Variants in UBE2N observed in about 807,000 individuals in gnomAD.
The protein encoded by UBE2N is ubiquitin conjugating enzyme E2 N, also known as ubiquitin-conjugating enzyme E2 N.
For synonymous variants in UBE2N, 70 were observed against 69.2 expected, an observed-to-expected ratio of 1.01 and a Z score of -0.06; for missense variants, 60 against 192.1, an observed-to-expected ratio of 0.31 and a Z score of 4.07.
chr12:93,441,899 A>G lies in UBE2N; in HGVS notation c.-15T>C, dbSNP rs1253853795. 3.8e-6 allele frequency: 6 copies of G among 1,574,814 alleles called. No homozygotes were observed. Among genetic ancestry groups the G allele is most frequent in the Non-Finnish European group, 5.2e-6 (6 of 1,163,280 alleles). On this transcript the variant is annotated 5_prime_UTR_variant, in exon 1 of 4. Coordinates refer to ENST00000318066, the MANE Select transcript of UBE2N (RefSeq NM_003348.4). Reference sequence around the variant, plus strand: ...AGCCCGGCCATCTTGTCAGAACCCGAGTTCGGCCTCTGGTCTCGTCTCCGG... The same window carrying G: ...AGCCCGGCCATCTTGTCAGAACCCGGGTTCGGCCTCTGGTCTCGTCTCCGG...
rs377737192 is a variant in UBE2N, at chr12:93,410,715, G to A, written c.418+19C>T. On this transcript the variant is annotated intron_variant, in intron 3 of 3. Transcript: ENST00000318066. Reference sequence around the variant, plus strand: ...TTGTAAAAGTGGAAGTGGTGTGAAGGAGAATGAATATTAGATACCTGTTTC... The same window carrying A: ...TTGTAAAAGTGGAAGTGGTGTGAAGAAGAATGAATATTAGATACCTGTTTC... The A allele has an allele frequency of 3.1e-6, 5 of 1,613,672 alleles. No individual in the cohort carries two copies. The highest frequency in any genetic ancestry group is 4.2e-6 in the Non-Finnish European group (5 of 1,179,624).
At chr12:93,429,324 A>G (rs1878685588) in intron 1 of UBE2N, 1 of 419,808 alleles carries the variant, frequency 2.4e-6, no homozygotes, top group Non-Finnish European at 4.6e-6. Context: ...ATATAAATGA[A>G]TGCAAGATAA....
chr12:93,424,830 T>TC (rs974796138), intron 1 of UBE2N, among the ~76,000 whole-genome samples: 1 of 152,218 alleles, frequency 6.6e-6, no homozygotes, highest in African/African-American at 2.4e-5. Context: ...ACCCAAAACA[T>TC]CCCATTTTGC....
intron 1 of UBE2N, among the ~76,000 whole-genome samples, chr12:93,437,162 T>C (rs537613393): frequency 3.7e-4 from 56 of 151,900 alleles, no homozygotes; most frequent in Non-Finnish European, 7.4e-4. Flanking sequence ...TAAGGTTCCA[T>C]TAAACAGCCC....
chr12:93,409,988 GA>G lies in UBE2N; in HGVS notation c.*50del. The G allele has an allele frequency of 1.3e-6, 2 of 1,576,640 alleles. No homozygotes were observed. Among genetic ancestry groups the G allele is most frequent in the East Asian group, 4.5e-5 (2 of 44,466 alleles). Reference sequence around the variant, plus strand: ...TCCATTAAATGCAAACAAAGAGGAGGAAGTCTTGGCAGAACAGGAGAAGTGA... The same window carrying G: ...TCCATTAAATGCAAACAAAGAGGAGGAGTCTTGGCAGAACAGGAGAAGTGA... On this transcript the variant is annotated 3_prime_UTR_variant, in exon 4 of 4. Coordinates refer to ENST00000318066, the MANE Select transcript of UBE2N (RefSeq NM_003348.4).
chr12:93,423,861 A>C (rs1878492951), intron 1 of UBE2N, among the ~76,000 whole-genome samples: 1 of 152,318 alleles, frequency 6.6e-6, no homozygotes, highest in South Asian at 2.1e-4. Context: ...CTGAAGGAGA[A>C]GGATATTATG....
intron 2 of UBE2N, 84 bp downstream of exon 2, chr12:93,410,969 A>G (rs1236358767): frequency 9.9e-6 from 16 of 1,613,282 alleles, no homozygotes; most frequent in Non-Finnish European, 1.3e-5. Flanking sequence ...ATCTTTGTAT[A>G]ATGTTTACAT....
chr12:93,407,703 A>G lies in UBE2N; in HGVS notation c.*2336T>C, dbSNP rs1017992115. On this transcript the variant is annotated 3_prime_UTR_variant, in exon 4 of 4. Coordinates refer to ENST00000318066, the MANE Select transcript of UBE2N (RefSeq NM_003348.4). ...CCCAATTTTTAAAAATGTTGGCATC[A>G]AATTCAGAATGTTTTAACCAGCCAC... is the stretch of plus-strand genomic sequence containing the variant. 6 of 152,344 alleles carry G rather than the reference A, an allele frequency of 3.9e-5. No homozygotes were observed. In the East Asian group the frequency reaches 1.2e-3, roughly 29 times the overall value. 9.4% of individuals were successfully genotyped at this position (152,344 alleles called of 1,614,324 possible).
intron 1 of UBE2N, among the ~76,000 whole-genome samples, chr12:93,435,400 G>C (rs1291689380): frequency 1.3e-5 from 2 of 152,078 alleles, no homozygotes; most frequent in Admixed American, 6.6e-5. Flanking sequence ...TTGAACCCAG[G>C]GGGCAGAGGT....
intron 1 of UBE2N, among the ~76,000 whole-genome samples, chr12:93,428,772 T>C (rs1035609889): frequency 7.9e-5 from 12 of 152,260 alleles, no homozygotes; most frequent in East Asian, 5.8e-4. Flanking sequence ...TCAGAGAAAA[T>C]AGCCCATAGA....
intron 1 of UBE2N, among the ~76,000 whole-genome samples, chr12:93,414,706 A>G (rs1878148073): frequency 1.3e-5 from 2 of 151,904 alleles, no homozygotes; most frequent in African/African-American, 4.8e-5. Flanking sequence ...AGCTCCTAAG[A>G]TCTTCATGTT....
chr12:93,434,282 C>A (rs1487475228), intron 1 of UBE2N, among the ~76,000 whole-genome samples: 1 of 152,092 alleles, frequency 6.6e-6, no homozygotes, highest in African/African-American at 2.4e-5. Flanking sequence ...CAGAGCGAGA[C>A]TCCGTCTCAA....
intron 1 of UBE2N, among the ~76,000 whole-genome samples, chr12:93,428,788 G>A (rs1878665423): frequency 6.6e-6 from 1 of 152,204 alleles, no homozygotes; most frequent in Admixed American, 6.5e-5. Context: ...ATAGATTCTT[G>A]TCTTGGCATC....
intron 1 of UBE2N, among the ~76,000 whole-genome samples, chr12:93,432,229 A>T (rs566945264): frequency 6.6e-6 from 1 of 152,120 alleles, no homozygotes; most frequent in Non-Finnish European, 1.5e-5. Flanking sequence ...TTGTTTCATG[A>T]CTGTGTTTTC....
At chr12:93,421,504 T>C (rs1878410643) in intron 1 of UBE2N, among the ~76,000 whole-genome samples, 1 of 152,180 alleles carries the variant, frequency 6.6e-6, no homozygotes, top group Non-Finnish European at 1.5e-5. Context: ...ATTAACTACA[T>C]AAGCAGTAAA....
chr12:93,435,244 G>T (rs1160355563), intron 1 of UBE2N, among the ~76,000 whole-genome samples: 2 of 152,042 alleles, frequency 1.3e-5, no homozygotes, highest in Non-Finnish European at 2.9e-5. Context: ...AGGCCGAGGT[G>T]GGCAGATCAC....
intron 1 of UBE2N, among the ~76,000 whole-genome samples, chr12:93,414,417 C>T (rs946094622): frequency 5.4e-5 from 8 of 149,264 alleles, no homozygotes; most frequent in Non-Finnish European, 8.9e-5. Flanking sequence ...CCATTGCTCT[C>T]CAGCCTAGGC....
rs117577746 is a variant in UBE2N at position 93,413,697 on chromosome 12, C to T, written c.31-2398G>A. 2.0e-5 allele frequency among the ~76,000 whole-genome samples: 3 copies of T among 152,238 alleles called. No homozygotes were observed. The East Asian group carries it at 5.8e-4, about 29-fold the overall frequency. ...GATTGGCAAATTGGTTTTTTTTATA[C>T]TTCAAATTCTACTCATGATTGGACT... On this transcript the variant is annotated intron_variant, in intron 1 of 3. Transcript: ENST00000318066.
intron 1 of UBE2N, among the ~76,000 whole-genome samples, chr12:93,419,566 A>G (rs1165393536): frequency 6.6e-6 from 1 of 152,200 alleles, no homozygotes; most frequent in East Asian, 1.9e-4. Flanking sequence ...ATGATGAAGT[A>G]AAGAGTTCAC....
Sources: gnomAD v4.1 joint callset for allele counts (sites outside exome capture counted in the v4.1 genomes callset) on GRCh38, gnomAD v4.1.1 for gene constraint, MANE v1.5 for transcripts, NCBI Gene and HGNC (gene_info 2026-07-23, HGNC 2026-07-21) for gene names.